PRKG1: variants seen among roughly 807,000 people sequenced by gnomAD.
PRKG1 encodes the protein cGMP-dependent protein kinase 1.
A neutral mutation model predicts 88.1 loss-of-function variants in PRKG1; 35 were observed. The observed-to-expected ratio is 0.40, with a 90% CI of 0.30 to 0.53. The LOEUF (loss-of-function observed/expected upper bound fraction) is 0.53, where lower values mean the gene tolerates loss of function less well. Ranked by LOEUF, PRKG1 falls within the 20% of genes least tolerant of loss-of-function variation. The pLI is 0.59. For missense variants in PRKG1, 540 were observed against 839.8 expected, an observed-to-expected ratio of 0.64 and a Z score of 4.41; for synonymous variants, 303 against 292.5, an observed-to-expected ratio of 1.04 and a Z score of -0.37.
intron 2 of PRKG1, among the ~76,000 whole-genome samples, chr10:51,294,400 A>G (rs1840663704): frequency 6.6e-6 from 1 of 152,148 alleles, no homozygotes; most frequent in African/African-American, 2.4e-5. Context: ...TGTATGTGGT[A>G]TAAGTTGAGT....
intron 3 of PRKG1, among the ~76,000 whole-genome samples, chr10:51,576,146 C>A (rs1410618936): frequency 6.6e-6 from 1 of 151,880 alleles, no homozygotes; most frequent in Non-Finnish European, 1.5e-5. Context: ...TGGTCACGCA[C>A]TTTGTAGTGA....
At chr10:51,822,285 G>A (rs1428613041) in intron 4 of PRKG1, among the ~76,000 whole-genome samples, 1 of 152,006 alleles carries the variant, frequency 6.6e-6, no homozygotes, top group Non-Finnish European at 1.5e-5. Flanking sequence ...GATGAGCATT[G>A]AGGACATTGT....
chr10:52,159,237 C>T (rs531270028), intron 8 of PRKG1, among the ~76,000 whole-genome samples: 98 of 151,530 alleles, frequency 6.5e-4, no homozygotes, highest in Middle Eastern at 3.6e-3. Context: ...AATATTTTTA[C>T]AGGTCTTTTG....
intron 2 of PRKG1, among the ~76,000 whole-genome samples, chr10:51,186,007 C>A (rs1465753183): frequency 6.6e-6 from 1 of 151,756 alleles, no homozygotes; most frequent in Admixed American, 6.6e-5. Context: ...AGAACATGAT[C>A]TAGTGTCATT....
At chr10:51,819,627 A>G (rs1487884227) in intron 4 of PRKG1, among the ~76,000 whole-genome samples, 2 of 152,132 alleles carry the variant, frequency 1.3e-5, no homozygotes, top group East Asian at 3.9e-4. Flanking sequence ...ATAAATGGAG[A>G]TAGTGTTTGC....
intron 9 of PRKG1, among the ~76,000 whole-genome samples, chr10:52,199,495 T>C (rs1367108039): frequency 1.3e-5 from 2 of 152,196 alleles, no homozygotes; most frequent in African/African-American, 4.8e-5. Context: ...TAACTGTGTT[T>C]GTTTATATTT....
chr10:51,678,136 T>A (rs989263299), intron 3 of PRKG1, among the ~76,000 whole-genome samples: 1 of 152,092 alleles, frequency 6.6e-6, no homozygotes, highest in African/African-American at 2.4e-5. Context: ...CCCAGCATTA[T>A]CTCAAAGTTT....
intron 14 of PRKG1, among the ~76,000 whole-genome samples, chr10:52,284,469 T>A (rs1320090319): frequency 2.8e-5 from 3 of 107,774 alleles, no homozygotes; most frequent in Non-Finnish European, 3.7e-5. Context: ...AAAGAGATGA[T>A]GGTGGTGGTA....
chr10:51,177,804 G>A (rs896809181), intron 2 of PRKG1, among the ~76,000 whole-genome samples: 14 of 151,770 alleles, frequency 9.2e-5, no homozygotes, highest in Admixed American at 4.6e-4. Flanking sequence ...TAATTAATGT[G>A]AATAGTATCA....
intron 3 of PRKG1, among the ~76,000 whole-genome samples, chr10:51,618,928 C>T (rs1441951899): frequency 7.3e-6 from 1 of 136,652 alleles, no homozygotes; most frequent in Admixed American, 8.6e-5. Flanking sequence ...GCCACCACAC[C>T]CAGCTAATTT....
At chr10:51,800,491 C>T (rs1379686176) in intron 3 of PRKG1, among the ~76,000 whole-genome samples, 5 of 151,978 alleles carry the variant, frequency 3.3e-5, no homozygotes, top group African/African-American at 1.2e-4. Flanking sequence ...TAGCACAAAG[C>T]CTATTTTATA....
intron 5 of PRKG1, among the ~76,000 whole-genome samples, chr10:51,965,547 TTC>T (rs1381617297): frequency 6.6e-6 from 1 of 152,206 alleles, no homozygotes; most frequent in Non-Finnish European, 1.5e-5. Context: ...TACATTTATA[TTC>T]TGTTTCAGAA....
At chr10:51,436,309 T>C (rs1047873001) in intron 2 of PRKG1, among the ~76,000 whole-genome samples, 1 of 151,922 alleles carries the variant, frequency 6.6e-6, no homozygotes, top group African/African-American at 2.4e-5. Context: ...TTTTGTGTTG[T>C]TAGTGTGCGT....
At chr10:51,591,683 T>C (rs887208286) in intron 3 of PRKG1, among the ~76,000 whole-genome samples, 7 of 152,174 alleles carry the variant, frequency 4.6e-5, no homozygotes, top group African/African-American at 1.7e-4. Context: ...CCGTAAAAAC[T>C]TATCTGAGAT....
intron 2 of PRKG1, among the ~76,000 whole-genome samples, chr10:51,293,761 A>G (rs1445139148): frequency 2.0e-5 from 3 of 152,134 alleles, no homozygotes; most frequent in African/African-American, 7.2e-5. Flanking sequence ...GCTGAATCAT[A>G]GTTCTGTTTT....
At chr10:52,154,338 C>T (rs1838027102) in intron 8 of PRKG1, among the ~76,000 whole-genome samples, 1 of 152,120 alleles carries the variant, frequency 6.6e-6, no homozygotes, top group African/African-American at 2.4e-5. Flanking sequence ...TTCAAAAACA[C>T]AAGTCCACTG....
intron 3 of PRKG1, among the ~76,000 whole-genome samples, chr10:51,562,659 C>G (rs983137772): frequency 1.3e-5 from 2 of 152,124 alleles, no homozygotes; most frequent in Non-Finnish European, 1.5e-5. Flanking sequence ...ATTGTCACAG[C>G]TGGAGTCTCT....
chr10:51,762,969 T>A (rs1443740249), intron 3 of PRKG1, among the ~76,000 whole-genome samples: 4 of 152,202 alleles, frequency 2.6e-5, no homozygotes, highest in Admixed American at 1.3e-4. Context: ...GGTATCCTAG[T>A]CCCAACTCTG....
At chr10:51,708,926 T>TA (rs1338152609) in intron 3 of PRKG1, among the ~76,000 whole-genome samples, 1 of 152,132 alleles carries the variant, frequency 6.6e-6, no homozygotes, top group Non-Finnish European at 1.5e-5. Flanking sequence ...TACTGCTGAA[T>TA]GTCTATCCTG....
Sources: gnomAD v4.1 joint callset for allele counts (sites outside exome capture counted in the v4.1 genomes callset) on GRCh38, gnomAD v4.1.1 for gene constraint, MANE v1.5 for transcripts, NCBI Gene and HGNC (gene_info 2026-07-23, HGNC 2026-07-21) for gene names.